C8A: variants seen among roughly 807,000 people sequenced by gnomAD.
The protein encoded by C8A is complement C8 alpha chain, also known as complement component C8 alpha chain.
A neutral mutation model predicts 65.3 loss-of-function variants in C8A; 67 were observed. The ratio of observed to expected loss-of-function variants is 1.03; its 90% CI spans 0.84 to 1.26. The LOEUF (loss-of-function observed/expected upper bound fraction) is 1.26. Among genes scored for constraint, C8A ranks in the 50% most tolerant of loss-of-function variants. The pLI, the probability that C8A is intolerant of heterozygous loss-of-function variation, is 0.00. For synonymous variants in C8A, 290 were observed against 259.4 expected, an observed-to-expected ratio of 1.12 and a Z score of -1.13; for missense variants, 781 against 723.9, an observed-to-expected ratio of 1.08 and a Z score of -0.90.
At chr1:56,857,257 G>A (rs984704649) in intron 1 of C8A, among the ~76,000 whole-genome samples, 2 of 151,342 alleles carry the variant, frequency 1.3e-5, no homozygotes, top group Non-Finnish European at 3.0e-5. Context: ...CCTACTTACA[G>A]TTCTATCAGT....
chr1:56,906,295 A>G (rs953514993), intron 7 of C8A, among the ~76,000 whole-genome samples: 1 of 152,190 alleles, frequency 6.6e-6, no homozygotes, highest in Non-Finnish European at 1.5e-5. Flanking sequence ...GAGTAGGGAC[A>G]AATATGTGCA....
chr1:56,917,475 G>T, intron 10 of C8A, 90 bp from the exon 11 acceptor site: 1 of 1,385,700 alleles, frequency 7.2e-7, no homozygotes, highest in South Asian at 1.2e-5. Flanking sequence ...TCCCAAGGGT[G>T]CCACACACCC....
chr1:56,857,741 T>C (rs1156553200), intron 1 of C8A, among the ~76,000 whole-genome samples: 1 of 152,052 alleles, frequency 6.6e-6, no homozygotes, highest in East Asian at 1.9e-4. Context: ...TTTAGATTTA[T>C]ATTTTTCTAA....
intron 7 of C8A, among the ~76,000 whole-genome samples, chr1:56,903,281 T>A (rs1294180535): frequency 1.3e-5 from 2 of 152,132 alleles, no homozygotes; most frequent in Non-Finnish European, 2.9e-5. Flanking sequence ...GTTCTCATGA[T>A]AATGGGTGGG....
At chr1:56,896,553 G>A (rs1407758852) in intron 7 of C8A, among the ~76,000 whole-genome samples, 4 of 152,118 alleles carry the variant, frequency 2.6e-5, no homozygotes, top group East Asian at 1.9e-4. Flanking sequence ...TCAGTCCTTC[G>A]ACTGATTGCA....
chr1:56,888,565 C>T (rs755954507), intron 7 of C8A, among the ~76,000 whole-genome samples: 4 of 151,970 alleles, frequency 2.6e-5, no homozygotes. Context: ...ATTATAGGCA[C>T]TAAAGATAAA....
In C8A at chr1:56,886,122, T is replaced by C; in HGVS notation, c.1051T>C (p.Tyr351His). Residue 351 changes from tyrosine to histidine, a missense_variant, in exon 7 of 11, where the codon TAT (tyrosine) becomes CAT (histidine). Transcript: ENST00000361249. ...YITSGSMGGI[Y>H]EYILVIDKAK... ...CACATCTGGATCCATGGGTGGCATT[T>C]ATGAATATATCCTGGTGATTGACAA... 6.2e-7 allele frequency: 1 copy of C among 1,614,032 alleles called. No homozygotes were observed. The highest frequency in any genetic ancestry group is 8.5e-7 in the Non-Finnish European group (1 of 1,179,926).
chr1:56,895,357 A>G (rs958812994), intron 7 of C8A, among the ~76,000 whole-genome samples: 6 of 152,148 alleles, frequency 3.9e-5, no homozygotes, highest in African/African-American at 1.4e-4. Flanking sequence ...ATACTATTAT[A>G]TAATCTCCAA....
At chr1:56,905,990 A>G (rs1644461424) in intron 7 of C8A, among the ~76,000 whole-genome samples, 1 of 152,172 alleles carries the variant, frequency 6.6e-6, no homozygotes, top group South Asian at 2.1e-4. Flanking sequence ...ATGTAGACAA[A>G]TACAGAGATG....
intron 1 of C8A, among the ~76,000 whole-genome samples, chr1:56,860,779 C>G (rs536404899): frequency 6.6e-6 from 1 of 151,996 alleles, no homozygotes; most frequent in African/African-American, 2.4e-5. Context: ...AAGCCAAGGA[C>G]GTGGATCTTA....
intron 7 of C8A, among the ~76,000 whole-genome samples, chr1:56,898,964 A>T (rs895212418): frequency 6.6e-6 from 1 of 152,206 alleles, no homozygotes; most frequent in Non-Finnish European, 1.5e-5. Flanking sequence ...GGGACAGCCC[A>T]GCAGGTCTTT....
In C8A at chr1:56,912,602, C is replaced by T. The variant is rs1287922681; in HGVS notation, c.1580C>T (p.Ala527Val). 12 of 1,613,992 alleles carry T rather than the reference C, an allele frequency of 7.4e-6. No homozygotes were observed. Among genetic ancestry groups the T allele is most frequent in the Non-Finnish European group, 1.0e-5 (12 of 1,179,974 alleles). ...CQCRLGSLGA[A>V]CEQTQTEGAK... ...TGCCGCCTGGGTAGCTTGGGTGCTG[C>T]CTGTGAGCAAACACAGACAGAAGGT... The change falls in exon 10 of 11, where the codon GCC becomes GTC. Residue 527 changes from alanine to valine, a missense_variant. Ala to Val is a moderately conservative substitution (Grantham distance 64). Coordinates refer to ENST00000361249, the MANE Select transcript of C8A (RefSeq NM_000562.3).
chr1:56,883,235 G>GTA (rs1227307740), intron 5 of C8A, among the ~76,000 whole-genome samples: 1 of 152,078 alleles, frequency 6.6e-6, no homozygotes, highest in East Asian at 1.9e-4. Flanking sequence ...GTGTGTGTGT[G>GTA]TGTGTGTGTG....
chr1:56,870,865 T>G (rs1446760077), intron 2 of C8A, among the ~76,000 whole-genome samples: 1 of 152,170 alleles, frequency 6.6e-6, no homozygotes, highest in Non-Finnish European at 1.5e-5. Context: ...ATGTTTCTTC[T>G]TCTCAAAATC....
chr1:56,856,387 A>T (rs1643975525), intron 1 of C8A, among the ~76,000 whole-genome samples: 1 of 152,124 alleles, frequency 6.6e-6, no homozygotes. Flanking sequence ...AATACCTGTT[A>T]CCTATTACCT....
chr1:56,895,946 C>A (rs1221070783), intron 7 of C8A, among the ~76,000 whole-genome samples: 1 of 152,030 alleles, frequency 6.6e-6, no homozygotes, highest in East Asian at 1.9e-4. Context: ...GAGGCCCTGT[C>A]TCAAAAAGAA....
intron 7 of C8A, among the ~76,000 whole-genome samples, chr1:56,895,671 G>A (rs1004478920): frequency 6.6e-6 from 1 of 152,128 alleles, no homozygotes; most frequent in Non-Finnish European, 1.5e-5. Context: ...AAGCACAGTG[G>A]CTCCTTCTTG....
chr1:56,912,429 G>T lies in C8A; in HGVS notation c.1407G>T (p.Arg469=). ...TGCAGCCTATCCACGAGGTGCTGCGGCACACAAGCCTGGGGCCTCTGGAGG... is the reference window on the plus strand; with the variant it reads ...TGCAGCCTATCCACGAGGTGCTGCGTCACACAAGCCTGGGGCCTCTGGAGG... ...FEMQPIHEVL[R]HTSLGPLEAK... is the part of the protein sequence containing the mutation. The change falls in exon 10 of 11, where the codon CGG becomes CGT. Residue 469 remains arginine (R), a synonymous_variant. Coordinates refer to ENST00000361249, the MANE Select transcript of C8A (RefSeq NM_000562.3). 1 of 1,614,224 alleles carries T rather than the reference G, an allele frequency of 6.2e-7. No individual in the cohort carries two copies.
chr1:56,912,646 C>G, intron 10 of C8A, 21 bp downstream of exon 10: 1 of 1,607,942 alleles, frequency 6.2e-7, no homozygotes, highest in Non-Finnish European at 8.5e-7. Flanking sequence ...TGCATCCCCA[C>G]CCAGTTCCAG....
Sources: allele counts gnomAD v4.1 joint callset (sites outside exome capture counted in the v4.1 genomes callset), GRCh38; gene constraint gnomAD v4.1.1; transcripts MANE v1.5; gene names NCBI Gene and HGNC (gene_info 2026-07-23, HGNC 2026-07-21).